LARP4B: variants seen among roughly 807,000 people sequenced by gnomAD.
The protein encoded by LARP4B is La ribonucleoprotein 4B, also known as la-related protein 4B.
A neutral mutation model predicts 89.8 loss-of-function variants in LARP4B; 12 were observed. The ratio of observed to expected loss-of-function variants is 0.13; its 90% confidence interval spans 0.09 to 0.22. LARP4B has a LOEUF of 0.22. Ranked by LOEUF, LARP4B falls within the 10% of genes least tolerant of loss-of-function variation. LARP4B has a pLI of 1.00. For synonymous variants in LARP4B, 367 were observed against 363.3 expected, an observed-to-expected ratio of 1.01 and a Z score of -0.12; for missense variants, 757 against 947.7, an observed-to-expected ratio of 0.80 and a Z score of 2.64.
chr10:867,862 GA>G (rs903762145), intron 3 of LARP4B, among the ~76,000 whole-genome samples: 382 of 43,390 alleles, frequency 8.8e-3, no homozygotes, highest in African/African-American at 0.019. Context: ...CTCCATCCTT[GA>G]AAAAAAAAAA....
chr10:975,801 G>A, the LARP4B span, among the ~76,000 whole-genome samples: 184 of 151,394 alleles, frequency 1.2e-3, 2 homozygotes, highest in Non-Finnish European at 2.2e-3. Context: ...GTGTGGACCC[G>A]GCCTAGTAGA....
intron 1 of LARP4B, among the ~76,000 whole-genome samples, chr10:926,829 A>G (rs1421826805): frequency 6.6e-6 from 1 of 152,164 alleles, no homozygotes; most frequent in Non-Finnish European, 1.5e-5. Context: ...TTGAGGTCAG[A>G]AGTTCAAGAC....
chr10:918,134 A>G (rs935998328), intron 1 of LARP4B, among the ~76,000 whole-genome samples: 4 of 152,210 alleles, frequency 2.6e-5, no homozygotes, highest in African/African-American at 9.6e-5. Context: ...TTAACAAGCA[A>G]TGACAGTTAC....
intron 3 of LARP4B, among the ~76,000 whole-genome samples, chr10:882,253 A>G (rs1029093935): frequency 3.9e-5 from 6 of 152,186 alleles, no homozygotes; most frequent in African/African-American, 1.4e-4. Flanking sequence ...ACTTTAATAA[A>G]GTTTTTTTTT....
At chr10:957,714 G>A in the LARP4B span, among the ~76,000 whole-genome samples, 5 of 151,608 alleles carry the variant, frequency 3.3e-5, no homozygotes, top group Non-Finnish European at 5.9e-5. Context: ...GCTTTGCGGG[G>A]TATGATTTTG....
intron 1 of LARP4B, among the ~76,000 whole-genome samples, chr10:897,292 C>G (rs1001744242): frequency 6.6e-6 from 1 of 152,110 alleles, no homozygotes; most frequent in African/African-American, 2.4e-5. Context: ...ACAATCTTGT[C>G]AACAAATGGT....
At chr10:924,985 A>G (rs1170180153) in intron 1 of LARP4B, among the ~76,000 whole-genome samples, 1 of 152,260 alleles carries the variant, frequency 6.6e-6, no homozygotes, top group Non-Finnish European at 1.5e-5. Flanking sequence ...ACATTCAAGT[A>G]TGAGAAGACG....
the LARP4B span, among the ~76,000 whole-genome samples, chr10:977,749 T>C: frequency 6.6e-6 from 1 of 152,168 alleles, no homozygotes; most frequent in African/African-American, 2.4e-5. Context: ...CACAGGAGGA[T>C]TGCATAGGTT....
Position 825,329 on chromosome 10 carries a change from A to G in LARP4B, c.1233-13T>C. 1 of 1,611,538 alleles carries G rather than the reference A, an allele frequency of 6.2e-7. No homozygotes were observed. The highest frequency in any genetic ancestry group is 8.5e-7 in the Non-Finnish European group (1 of 1,178,410). ...TTTACTAGGATTCCTGTAAATAAAAATGGTTTTATGTGTTGAGTTATAAAA... is the reference window on the plus strand; with the variant it reads ...TTTACTAGGATTCCTGTAAATAAAAGTGGTTTTATGTGTTGAGTTATAAAA... On this transcript the variant is annotated splice_polypyrimidine_tract_variant and intron_variant, in intron 12 of 17. Coordinates refer to ENST00000316157, the MANE Select transcript of LARP4B (RefSeq NM_015155.3).
At chr10:834,372 G>A (rs1052178815) in intron 8 of LARP4B, among the ~76,000 whole-genome samples, 7 of 152,182 alleles carry the variant, frequency 4.6e-5, no homozygotes, top group Non-Finnish European at 7.4e-5. Flanking sequence ...GGCAAGAATG[G>A]TTGACTCCTC....
intron 5 of LARP4B, among the ~76,000 whole-genome samples, chr10:845,683 T>C (rs1833742321): frequency 6.6e-6 from 1 of 152,202 alleles, no homozygotes. Context: ...GCATGGTGTG[T>C]GTGGTCACAG....
intron 1 of LARP4B, among the ~76,000 whole-genome samples, chr10:911,415 G>A (rs755146840): frequency 6.6e-6 from 1 of 152,136 alleles, no homozygotes; most frequent in Non-Finnish European, 1.5e-5. Context: ...ACTCTTTTCA[G>A]TCAACTGAAA....
rs150572927 is a variant in LARP4B at position 814,757 on chromosome 10, C to G, written c.1914G>C (p.Val638=). The G allele has an allele frequency of 1.7e-5, 27 of 1,597,230 alleles. No homozygotes were observed. Among genetic ancestry groups the G allele is most frequent in the Non-Finnish European group, 2.1e-5 (25 of 1,171,520 alleles). The change falls in exon 17 of 18, where the codon GTG becomes GTC. Residue 638 remains valine (V), a synonymous_variant. Transcript: ENST00000316157. This position sits in a 1 kb window ranked among gnomAD's most constrained non-coding sequence, Gnocchi z 4.4. ...LTATACKSVQ[V]NGAATELRKP... is the part of the protein sequence containing the mutation. Reference sequence around the variant, plus strand: ...AGGTACGTACCGTGGCGGCTCCGTTCACCTGCACCGATTTACACGCGGTCG... The same window carrying G: ...AGGTACGTACCGTGGCGGCTCCGTTGACCTGCACCGATTTACACGCGGTCG...
Position 889,201 on chromosome 10 carries a change from T to C in LARP4B, c.-39-3441A>G, listed in dbSNP as rs117108966. On this transcript the variant is annotated intron_variant, in intron 1 of 17. Transcript: ENST00000316157. ...CACTATTTGTTGTGCATTTATATTA[T>C]TATAGTAGACTTTATGAATTTTTGT... Among the ~76,000 whole-genome samples the C allele has an allele frequency of 3.3e-3, 496 of 152,362 alleles. 8 individuals carry two copies. Among genetic ancestry groups the C allele is most frequent in the Non-Finnish European group, 2.5e-3 (171 of 68,036 alleles).
chr10:862,279 A>AAAAAAC (rs749904539), intron 5 of LARP4B, among the ~76,000 whole-genome samples: 63 of 140,450 alleles, frequency 4.5e-4, no homozygotes, highest in African/African-American at 1.4e-3. Context: ...AAAAAAAAAA[A>AAAAAAC]AACAACCGTC....
intron 11 of LARP4B, 61 bp from the exon 12 acceptor site, chr10:825,931 T>A: frequency 9.3e-7 from 1 of 1,073,718 alleles, no homozygotes; most frequent in Non-Finnish European, 1.4e-6. Context: ...ATTTCATTAA[T>A]ACCAACAAAT....
the LARP4B span, among the ~76,000 whole-genome samples, chr10:979,031 C>T: frequency 6.6e-6 from 1 of 151,990 alleles, no homozygotes; most frequent in Non-Finnish European, 1.5e-5. Context: ...CTTTTGATGG[C>T]AATCTGGCTT....
Position 815,049 on chromosome 10 carries a change from C to A in LARP4B, c.1717G>T (p.Val573Leu). 1 of 1,595,400 alleles carries A rather than the reference C, an allele frequency of 6.3e-7. No individual in the cohort carries two copies. The stretch of plus-strand genomic sequence containing the variant: ...GAGACCACTACAGGAAGGGTGTTCA[C>A]GCTTGCGTCTGCACTGAGGGTCTGA... ...KERTLSADAS[V>L]NTLPVVVSRE... The change falls in exon 16 of 18, where the codon GTG becomes TTG. Residue 573 changes from valine (V) to leucine (L), a missense_variant. Coordinates refer to ENST00000316157, the MANE Select transcript of LARP4B (RefSeq NM_015155.3).
intron 1 of LARP4B, among the ~76,000 whole-genome samples, chr10:921,204 T>C (rs1836967232): frequency 6.6e-6 from 1 of 150,406 alleles, no homozygotes; most frequent in Admixed American, 6.7e-5. Flanking sequence ...ACCCAGGAGG[T>C]GGAGGTTGCA....
Sources: allele counts gnomAD v4.1 joint callset (sites outside exome capture counted in the v4.1 genomes callset), GRCh38; gene constraint gnomAD v4.1.1; non-coding constraint Gnocchi (gnomAD v3.1); transcripts MANE v1.5; gene names NCBI Gene and HGNC (gene_info 2026-07-23, HGNC 2026-07-21).